The following TBC1D1 variants were observed in gnomAD, a reference collection of about 807,000 sequenced individuals.
TBC1D1 encodes the protein TBC1 domain family member 1.
TBC1D1 carries 89 observed loss-of-function variants against 125.6 expected under a neutral mutation model. The observed-to-expected ratio is 0.71, with a 90% CI of 0.60 to 0.85. The LOEUF is 0.85. Ranked by LOEUF, TBC1D1 falls within the 40% of genes least tolerant of loss-of-function variation. The pLI is 0.00. For synonymous variants in TBC1D1, 565 were observed against 564.1 expected, an observed-to-expected ratio of 1.00 and a Z score of -0.02; for missense variants, 1,377 against 1,469.2, an observed-to-expected ratio of 0.94 and a Z score of 1.03.
At chr4:38,005,264 G>C (rs1739895638) in intron 2 of TBC1D1, among the ~76,000 whole-genome samples, 1 of 152,220 alleles carries the variant, frequency 6.6e-6, no homozygotes, top group African/African-American at 2.4e-5. Context: ...GAATGCAAGA[G>C]CAAAGCTTAC....
chr4:37,978,502 A>G (rs537619077), intron 2 of TBC1D1, among the ~76,000 whole-genome samples: 3 of 152,320 alleles, frequency 2.0e-5, no homozygotes, highest in South Asian at 2.1e-4. Context: ...TTATCATGCA[A>G]TGCTTTTATA....
intron 2 of TBC1D1, among the ~76,000 whole-genome samples, chr4:37,948,002 T>C (rs1560516300): frequency 6.6e-6 from 1 of 152,154 alleles, no homozygotes; most frequent in Non-Finnish European, 1.5e-5. Context: ...GGTACTACGA[T>C]TATTCCTAGT....
intron 12 of TBC1D1, among the ~76,000 whole-genome samples, chr4:38,076,443 T>C (rs189386907): frequency 6.6e-6 from 1 of 152,276 alleles, no homozygotes; most frequent in Admixed American, 6.5e-5. Context: ...CTGATCCCTT[T>C]ATGTGAGACT....
chr4:37,988,899 G>A (rs914337758), intron 2 of TBC1D1, among the ~76,000 whole-genome samples: 5 of 152,116 alleles, frequency 3.3e-5, no homozygotes, highest in Non-Finnish European at 5.9e-5. Context: ...ACTGACCAGC[G>A]TAAACATTAA....
chr4:37,979,923 G>T (rs1172741992), intron 2 of TBC1D1, among the ~76,000 whole-genome samples: 1 of 152,134 alleles, frequency 6.6e-6, no homozygotes, highest in Non-Finnish European at 1.5e-5. Flanking sequence ...GGGATTACAG[G>T]CTTGCGCCAC....
intron 2 of TBC1D1, among the ~76,000 whole-genome samples, chr4:38,008,292 CTT>C (rs1291987379): frequency 6.6e-6 from 1 of 152,226 alleles, no homozygotes; most frequent in Non-Finnish European, 1.5e-5. Context: ...CTCCCACCCT[CTT>C]TTAGCTCCTA....
intron 2 of TBC1D1, among the ~76,000 whole-genome samples, chr4:37,928,540 C>T (rs564165707): frequency 6.6e-6 from 1 of 152,242 alleles, no homozygotes; most frequent in East Asian, 1.9e-4. Flanking sequence ...CTCTGTTTTG[C>T]TTCTTGAACA....
intron 19 of TBC1D1, 24 bp downstream of exon 21, chr4:38,133,281 T>G: frequency 1.2e-6 from 2 of 1,601,450 alleles, no homozygotes; most frequent in Non-Finnish European, 1.7e-6. Flanking sequence ...ATAAAGCAGC[T>G]TCCTGAATCA....
At chr4:37,933,518 G>A (rs1577926097) in intron 2 of TBC1D1, among the ~76,000 whole-genome samples, 2 of 151,556 alleles carry the variant, frequency 1.3e-5, no homozygotes, top group Admixed American at 6.6e-5. Context: ...GCGGAGAATA[G>A]AACCCAACTG....
At chr4:38,032,183 G>T (rs138682397) in intron 7 of TBC1D1, among the ~76,000 whole-genome samples, 15,370 of 152,200 alleles carry the variant, frequency 0.1, 964 homozygotes, top group Non-Finnish European at 0.13. Context: ...GCCAGGCATG[G>T]TGGTGCGCAC....
At chr4:38,099,306 T>C (rs1236863849) in intron 14 of TBC1D1, among the ~76,000 whole-genome samples, 1 of 152,226 alleles carries the variant, frequency 6.6e-6, no homozygotes, top group Non-Finnish European at 1.5e-5. Context: ...ACGTAAAAGA[T>C]GTCTAAGTTG....
intron 12 of TBC1D1, among the ~76,000 whole-genome samples, chr4:38,062,973 C>G (rs539411986): frequency 6.6e-5 from 10 of 152,208 alleles, no homozygotes; most frequent in Non-Finnish European, 1.3e-4. Flanking sequence ...ACCAGCTGAC[C>G]CATGACGATG....
chr4:38,124,514 A>C (rs1764337698), intron 17 of TBC1D1, among the ~76,000 whole-genome samples: 1 of 152,240 alleles, frequency 6.6e-6, no homozygotes, highest in Non-Finnish European at 1.5e-5. Flanking sequence ...TACAGTTTTT[A>C]AAGATCTTTG....
intron 2 of TBC1D1, among the ~76,000 whole-genome samples, chr4:37,988,614 G>T (rs974726168): frequency 2.6e-5 from 4 of 152,176 alleles, no homozygotes; most frequent in African/African-American, 9.7e-5. Flanking sequence ...TTGCTTAGCT[G>T]CATTCCCTCT....
intron 2 of TBC1D1, among the ~76,000 whole-genome samples, chr4:38,008,661 G>A (rs1255234510): frequency 6.6e-6 from 1 of 152,174 alleles, no homozygotes; most frequent in Non-Finnish European, 1.5e-5. Context: ...AGCTAACAGG[G>A]ACACCTGATC....
At chr4:38,037,938 TGTC>T (rs1747542364) in intron 8 of TBC1D1, among the ~76,000 whole-genome samples, 1 of 152,234 alleles carries the variant, frequency 6.6e-6, no homozygotes, top group South Asian at 2.1e-4. Context: ...TCAATGGACT[TGTC>T]GTTTCCACCT....
intron 17 of TBC1D1, among the ~76,000 whole-genome samples, chr4:38,119,151 A>T (rs527425342): frequency 6.6e-6 from 1 of 152,212 alleles, no homozygotes. Flanking sequence ...TCTTTAAAAA[A>T]TTTGTTTTTA....
chr4:38,089,973 G>T lies in TBC1D1; in HGVS notation c.2092G>T (p.Glu698Ter). The change falls in exon 13 of 20, where the codon GAA (glutamate) becomes TAA (stop). Residue 698 changes from glutamate (E) to a stop codon, truncating the protein, a stop_gained. Coordinates refer to ENST00000261439, the MANE Select transcript of TBC1D1 (RefSeq NM_015173.4). LOFTEE classifies it high-confidence loss of function. ...AGAGCTTCCCCCACGATCTCCTTTA[G>T]AACCAGTTTGTGAAGATGGGCCCTT... 1 of 1,613,516 alleles carries T rather than the reference G, an allele frequency of 6.2e-7. No individual in the cohort carries two copies. The highest frequency in any genetic ancestry group is 8.5e-7 in the Non-Finnish European group (1 of 1,179,814).
At position 38,052,192 on chromosome 4, in the gene TBC1D1, T is replaced by TGC. The variant is rs1750704615; in HGVS notation, c.1911-2006_1911-2005insCG. ...CTGTGTGTGTGTGTGTGTGTGTGTG[T>TGC]GTGCGCGCGCGTGTGTGTCTTTGTT... On this transcript the variant is annotated intron_variant, in intron 11 of 19. Coordinates refer to ENST00000261439, the MANE Select transcript of TBC1D1 (RefSeq NM_015173.4). The TGC allele has an allele frequency of 9.6e-6, 6 of 626,202 alleles. No homozygotes were observed. In the Admixed American group the frequency reaches 1.3e-4, roughly 14 times the overall value. 38.8% of individuals were successfully genotyped at this position (626,202 alleles called of 1,614,324 possible).
Sources: gnomAD v4.1 joint callset for allele counts (sites outside exome capture counted in the v4.1 genomes callset) on GRCh38, gnomAD v4.1.1 for gene constraint, MANE v1.5 for transcripts, NCBI Gene and HGNC (gene_info 2026-07-23, HGNC 2026-07-21) for gene names.